The following ADAD1 variants were observed in gnomAD, a reference collection of about 807,000 sequenced individuals.
The protein encoded by ADAD1 is adenosine deaminase domain-containing protein 1.
A neutral mutation model predicts 66.8 loss-of-function variants in ADAD1; 46 were observed. The ratio of observed to expected loss-of-function variants is 0.69; its 90% CI spans 0.54 to 0.88. The LOEUF (loss-of-function observed/expected upper bound fraction) is 0.88. Among genes scored for constraint, ADAD1 ranks in the 40% least tolerant of loss-of-function variants. The pLI, the probability that ADAD1 is intolerant of heterozygous loss-of-function variation, is 0.00. For synonymous variants in ADAD1, 248 were observed against 229.4 expected (o/e 1.08, Z -0.73); for missense variants, 617 against 681.8 (o/e 0.91, Z 1.06).
chr4:122,409,961 T>C (rs1796396704), intron 8 of ADAD1, among the ~76,000 whole-genome samples: 1 of 152,066 alleles, frequency 6.6e-6, no homozygotes, highest in Admixed American at 6.6e-5. Flanking sequence ...ATTACAGGGG[T>C]GAGCCACCGT....
At chr4:122,409,687 G>A (rs947347921) in intron 8 of ADAD1, among the ~76,000 whole-genome samples, 2 of 151,594 alleles carry the variant, frequency 1.3e-5, no homozygotes, top group Admixed American at 6.6e-5. Context: ...TGTTTTGGGC[G>A]GTTTTTTGTG....
intron 11 of ADAD1, among the ~76,000 whole-genome samples, chr4:122,418,306 C>CTTTTTT (rs10527795): frequency 2.1e-5 from 2 of 94,640 alleles, no homozygotes; most frequent in African/African-American, 3.2e-5. Flanking sequence ...ACGTTATTTT[C>CTTTTTT]TTTTTTTTTT....
chr4:122,427,759 C>A (rs1580820354), intron 12 of ADAD1, among the ~76,000 whole-genome samples: 1 of 151,898 alleles, frequency 6.6e-6, no homozygotes, highest in East Asian at 1.9e-4. Flanking sequence ...AGGTCTCGAA[C>A]TTCTGACCTC....
At chr4:122,391,142 T>C (rs956130578) in intron 5 of ADAD1, among the ~76,000 whole-genome samples, 1 of 152,130 alleles carries the variant, frequency 6.6e-6, no homozygotes, top group African/African-American at 2.4e-5. Context: ...CTGCAGTCTG[T>C]TGGGGTTCAC....
Position 122,396,334 on chromosome 4 carries a change from C to A in ADAD1, c.681C>A (p.Tyr227Ter). The change falls in exon 7 of 13, where the codon TAC (tyrosine) becomes TAA (stop). Residue 227 changes from tyrosine to a stop codon, truncating the protein, a stop_gained. Transcript: ENST00000296513. LOFTEE classifies it high-confidence loss of function. The part of the protein sequence containing the change: ...FNQLISNRSE[Y>*]LKYSSSLAAF... ...AACTAATTTCTAATCGTTCAGAATACCTGAAATATAGCAGTTCATTGGCTG... is the reference window on the plus strand; with the variant it reads ...AACTAATTTCTAATCGTTCAGAATAACTGAAATATAGCAGTTCATTGGCTG... The A allele has an allele frequency of 1.9e-6, 3 of 1,601,614 alleles. No individual in the cohort carries two copies. The highest frequency in any genetic ancestry group is 1.3e-5 in the African/African-American group (1 of 74,554).
Position 122,379,424 on chromosome 4 carries a change from A to C in ADAD1, c.-30A>C, listed in dbSNP as rs1794760802. 1.3e-5 allele frequency: 2 copies of C among 152,468 alleles called. No individual in the cohort carries two copies. 9.4% of individuals were successfully genotyped at this position (152,468 alleles called of 1,614,324 possible). A position where few individuals can be genotyped will look rare whatever the true frequency, so the allele number is the denominator to read the frequency against. On this transcript the variant is annotated 5_prime_UTR_variant, in exon 2 of 13. Coordinates refer to ENST00000296513, the MANE Select transcript of ADAD1 (RefSeq NM_139243.4). The stretch of plus-strand genomic sequence containing the variant: ...ACGACGCTGGCGCAAGCGCGGGGGC[A>C]AGAGCGCCGGCCTCCGAGACGGTTA...
chr4:122,391,374 G>A (rs970642486), intron 5 of ADAD1, among the ~76,000 whole-genome samples: 3 of 152,178 alleles, frequency 2.0e-5, no homozygotes, highest in Admixed American at 6.5e-5. Flanking sequence ...GCTTAACAAG[G>A]CACTTTGTCC....
At chr4:122,400,034 C>T (rs1795899252) in intron 7 of ADAD1, among the ~76,000 whole-genome samples, 1 of 151,948 alleles carries the variant, frequency 6.6e-6, no homozygotes, top group Middle Eastern at 3.2e-3. Context: ...ACTTCCAGTA[C>T]TATGTTGAAT....
chr4:122,409,977 G>A (rs1796397673), intron 8 of ADAD1, among the ~76,000 whole-genome samples: 1 of 152,106 alleles, frequency 6.6e-6, no homozygotes, highest in African/African-American at 2.4e-5. Context: ...ACCGTGCCTG[G>A]CCTCTTACGG....
intron 11 of ADAD1, among the ~76,000 whole-genome samples, chr4:122,416,544 TAGTG>T (rs1336374945): frequency 6.6e-6 from 1 of 151,942 alleles, no homozygotes; most frequent in Non-Finnish European, 1.5e-5. Flanking sequence ...CTGGGAAACA[TAGTG>T]AGAAATCCAG....
At chr4:122,416,641 G>A (rs567917474) in intron 11 of ADAD1, among the ~76,000 whole-genome samples, 78 of 152,128 alleles carry the variant, frequency 5.1e-4, no homozygotes, top group African/African-American at 1.7e-3. Flanking sequence ...GCTGAGACAG[G>A]AGGATCACTT....
intron 12 of ADAD1, among the ~76,000 whole-genome samples, chr4:122,425,618 T>C (rs1446069021): frequency 6.6e-6 from 1 of 150,550 alleles, no homozygotes; most frequent in Non-Finnish European, 1.5e-5. Context: ...AAAAAAAAAA[T>C]ACAAAAATAA....
intron 12 of ADAD1, among the ~76,000 whole-genome samples, chr4:122,421,864 A>C (rs1234630502): frequency 6.6e-6 from 1 of 152,052 alleles, no homozygotes; most frequent in Admixed American, 6.5e-5. Flanking sequence ...TCTCTTCCAA[A>C]ATATATTTTA....
At chr4:122,417,770 A>G (rs186023537) in intron 11 of ADAD1, among the ~76,000 whole-genome samples, 17 of 152,360 alleles carry the variant, frequency 1.1e-4, no homozygotes, top group Admixed American at 6.5e-4. Flanking sequence ...AAAGAAAATA[A>G]CAAATTCCAA....
chr4:122,421,393 A>G lies in ADAD1; in HGVS notation c.1617+3A>G, dbSNP rs755123466. On this transcript the variant is annotated splice_donor_region_variant and intron_variant, in intron 12 of 12. Transcript: ENST00000296513. ...CTGGTACATATCATGCAGCTAAGGT[A>G]AGTCCTTAAAGGAATAAAGTTATCA... The G allele has an allele frequency of 1.9e-6, 3 of 1,571,566 alleles. No homozygotes were observed. The East Asian group carries it at 6.8e-5, about 36-fold the overall frequency.
intron 11 of ADAD1, among the ~76,000 whole-genome samples, chr4:122,415,911 T>C (rs550173141): frequency 7.9e-5 from 12 of 152,288 alleles, no homozygotes; most frequent in African/African-American, 2.9e-4. Context: ...ATAACGTATG[T>C]TTCTCCAACT....
chr4:122,381,205 C>T (rs1204580355), intron 4 of ADAD1, 25 bp downstream of exon 4: 1 of 1,524,888 alleles, frequency 6.6e-7, no homozygotes, highest in Non-Finnish European at 8.7e-7. Flanking sequence ...GTATTTGTCT[C>T]AAAAACAAAA....
intron 10 of ADAD1, among the ~76,000 whole-genome samples, chr4:122,414,251 C>A: frequency 8.5e-6 from 1 of 118,124 alleles, no homozygotes; most frequent in East Asian, 2.4e-4. Context: ...TTTTTTTCTT[C>A]CTTTTTCCAA....
At chr4:122,414,649 A>G (rs1313570108) in intron 10 of ADAD1, among the ~76,000 whole-genome samples, 2 of 152,102 alleles carry the variant, frequency 1.3e-5, no homozygotes, top group South Asian at 2.1e-4. Flanking sequence ...AAATATGTCT[A>G]GTGGTTTACA....
Sources: gnomAD v4.1 joint callset for allele counts (sites outside exome capture counted in the v4.1 genomes callset) on GRCh38, gnomAD v4.1.1 for gene constraint, MANE v1.5 for transcripts, NCBI Gene and HGNC (gene_info 2026-07-23, HGNC 2026-07-21) for gene names.